Variants in MDGA2 observed in about 807,000 individuals in gnomAD.
The protein encoded by MDGA2 is MAM domain-containing glycosylphosphatidylinositol anchor protein 2.
A neutral mutation model predicts 117.8 loss-of-function variants in MDGA2; 40 were observed. That is an observed-to-expected ratio of 0.34 (90% CI 0.26 to 0.44). The LOEUF (loss-of-function observed/expected upper bound fraction) is 0.44. MDGA2 is among the 20% of genes least tolerant of loss of function. MDGA2 has a pLI of 1.00. For synonymous variants in MDGA2, 452 were observed against 439.0 expected (o/e 1.03, Z -0.37); for missense variants, 1,123 against 1,250.6 (o/e 0.90, Z 1.54).
chr14:47,439,913 T>TA (rs1892971185), intron 1 of MDGA2, among the ~76,000 whole-genome samples: 1 of 151,990 alleles, frequency 6.6e-6, no homozygotes, highest in Non-Finnish European at 1.5e-5. Context: ...ATGAAGATAA[T>TA]AAAAAGCAGA....
At chr14:46,949,642 A>G (rs1885298125) in intron 9 of MDGA2, among the ~76,000 whole-genome samples, 1 of 152,056 alleles carries the variant, frequency 6.6e-6, no homozygotes, top group African/African-American at 2.4e-5. Flanking sequence ...TTCACTTAGA[A>G]TAATGGCTTC....
chr14:47,475,414 T>A (rs112683007), intron 1 of MDGA2, among the ~76,000 whole-genome samples: 5 of 152,068 alleles, frequency 3.3e-5, no homozygotes, highest in Non-Finnish European at 7.4e-5. Flanking sequence ...GAAGACAGTG[T>A]GGCAATTCCT....
At chr14:46,949,501 C>T (rs1275614716) in intron 9 of MDGA2, among the ~76,000 whole-genome samples, 2 of 151,906 alleles carry the variant, frequency 1.3e-5, no homozygotes, top group Non-Finnish European at 2.9e-5. Flanking sequence ...TAACCCTCAC[C>T]TCCCTTTCTC....
intron 3 of MDGA2, among the ~76,000 whole-genome samples, chr14:47,203,399 G>C (rs1885578735): frequency 6.6e-6 from 1 of 151,896 alleles, no homozygotes; most frequent in Non-Finnish European, 1.5e-5. Context: ...AGCATGCAGG[G>C]ATGAATGGTG....
chr14:47,277,099 A>T (rs1026967175), intron 2 of MDGA2, among the ~76,000 whole-genome samples: 7 of 152,252 alleles, frequency 4.6e-5, no homozygotes, highest in Admixed American at 3.3e-4. Flanking sequence ...CTTATGAAGG[A>T]TCAGGCTGAA....
intron 2 of MDGA2, among the ~76,000 whole-genome samples, chr14:47,262,275 G>A (rs1454458467): frequency 6.6e-6 from 1 of 152,116 alleles, no homozygotes; most frequent in Admixed American, 6.6e-5. Context: ...GACCACTGTG[G>A]GAATGGTGTA....
At chr14:47,535,893 C>G in intron 1 of MDGA2, among the ~76,000 whole-genome samples, 1 of 152,198 alleles carries the variant, frequency 6.6e-6, no homozygotes, top group East Asian at 1.9e-4. Context: ...GACTGCCAGT[C>G]GGCTGGGGAT....
chr14:47,603,871 G>A (rs1422234496), intron 1 of MDGA2, among the ~76,000 whole-genome samples: 2 of 152,134 alleles, frequency 1.3e-5, no homozygotes, highest in African/African-American at 2.4e-5. Flanking sequence ...GTTCACGCAA[G>A]ATCTGGTTGT....
intron 1 of MDGA2, among the ~76,000 whole-genome samples, chr14:47,353,806 A>C (rs1012245520): frequency 6.6e-6 from 1 of 152,214 alleles, no homozygotes; most frequent in African/African-American, 2.4e-5. Flanking sequence ...TCATTTTACA[A>C]GGCCATCATT....
chr14:47,097,249 T>C, intron 5 of MDGA2, 126 bp from the exon 6 acceptor site: 5 of 906,564 alleles, frequency 5.5e-6, no homozygotes, highest in Non-Finnish European at 8.4e-6. Flanking sequence ...GCCAAAATCA[T>C]ACTGTATTAC....
chr14:47,108,115 C>G (rs948418993), intron 5 of MDGA2, among the ~76,000 whole-genome samples: 2 of 151,230 alleles, frequency 1.3e-5, no homozygotes, highest in East Asian at 3.9e-4. Context: ...AAAAACACAC[C>G]TCACCAAGCT....
intron 1 of MDGA2, among the ~76,000 whole-genome samples, chr14:47,650,848 T>C (rs143848223): frequency 6.6e-5 from 10 of 152,312 alleles, no homozygotes; most frequent in African/African-American, 9.6e-5. Flanking sequence ...TGCATGATGG[T>C]AGGTAGTGAC....
intron 14 of MDGA2, among the ~76,000 whole-genome samples, chr14:46,859,970 G>A (rs1443728733): frequency 6.6e-6 from 1 of 151,892 alleles, no homozygotes; most frequent in Non-Finnish European, 1.5e-5. Context: ...TGTTGCTTTA[G>A]CCTTTAAAAA....
At position 47,588,247 on chromosome 14, in the gene MDGA2, TATATATATATATATACACAC is replaced by T. The variant is rs1566528783; in HGVS notation, c.280+86250_280+86269del. The stretch of plus-strand genomic sequence containing the variant: ...TCTTGGAGATAGATAGATATATATA[TATATATATATATATACACAC>T]ACACACACACACACACACACAAATT... On this transcript the variant is annotated intron_variant, in intron 1 of 16. Coordinates refer to ENST00000399232, the MANE Select transcript of MDGA2 (RefSeq NM_001113498.3). 2.8e-4 allele frequency among the ~76,000 whole-genome samples: 35 copies of T among 124,288 alleles called. 1 individual carries two copies. Among genetic ancestry groups the T allele is most frequent in the Non-Finnish European group, 4.4e-4 (26 of 59,230 alleles). 81.5% of individuals were successfully genotyped at this position (124,288 alleles called of 152,430 possible). A position where few individuals can be genotyped will look rare whatever the true frequency, so the allele number is the denominator to read the frequency against.
chr14:47,135,815 GA>G (rs1882424777), intron 4 of MDGA2, among the ~76,000 whole-genome samples: 1 of 151,862 alleles, frequency 6.6e-6, no homozygotes, highest in Non-Finnish European at 1.5e-5. Context: ...ATCTCTTTAT[GA>G]TTTCCTAATG....
At chr14:47,294,007 A>C (rs1355230100) in intron 2 of MDGA2, among the ~76,000 whole-genome samples, 1 of 152,096 alleles carries the variant, frequency 6.6e-6, no homozygotes, top group Non-Finnish European at 1.5e-5. Context: ...TTATTCATGT[A>C]ACCATGAACT....
At position 46,841,356 on chromosome 14, in the gene MDGA2, T is replaced by G. The variant is rs1297041417; in HGVS notation, c.*575A>C. On this transcript the variant is annotated 3_prime_UTR_variant, in exon 17 of 17. Coordinates refer to ENST00000399232, the MANE Select transcript of MDGA2 (RefSeq NM_001113498.3). ...GATGGGGATAAGGTGGGGAGAAACA[T>G]GAATGCTTTAAATAATTCTGAGTTC... The G allele has an allele frequency of 2.0e-5, 3 of 152,594 alleles. No homozygotes were observed. Among genetic ancestry groups the G allele is most frequent in the African/African-American group, 7.2e-5 (3 of 41,432 alleles). The allele number at this position is 152,594 out of a possible 1,614,324, so 9.5% of individuals were successfully genotyped here.
intron 10 of MDGA2, among the ~76,000 whole-genome samples, chr14:46,893,349 G>T (rs751209315): frequency 1.3e-5 from 2 of 151,930 alleles, no homozygotes; most frequent in South Asian, 2.1e-4. Flanking sequence ...GCTACCAGGG[G>T]TGTAAGTGTG....
At position 47,268,901 on chromosome 14, in the gene MDGA2, A is replaced by G. The variant is rs115039418; in HGVS notation, c.420+32510T>C. ...ATATGCAATAGAATAATAGCAAAAT[A>G]TGATTTAAATAAATATGCTTTACTT... On this transcript the variant is annotated intron_variant, in intron 2 of 16. Coordinates refer to ENST00000399232, the MANE Select transcript of MDGA2 (RefSeq NM_001113498.3). 1.8e-3 allele frequency among the ~76,000 whole-genome samples: 280 copies of G among 151,922 alleles called. 3 individuals are homozygous for G. The highest frequency in any genetic ancestry group is 6.5e-3 in the African/African-American group (270 of 41,416).
Sources: gnomAD v4.1 joint callset for allele counts (sites outside exome capture counted in the v4.1 genomes callset) on GRCh38, gnomAD v4.1.1 for gene constraint, MANE v1.5 for transcripts, NCBI Gene and HGNC (gene_info 2026-07-23, HGNC 2026-07-21) for gene names.